Variants in COL6A2 observed in about 807,000 individuals in gnomAD.
COL6A2 encodes collagen alpha-2(VI) chain.
A neutral mutation model predicts 124.9 loss-of-function variants in COL6A2; 90 were observed. That is an observed-to-expected ratio of 0.72 (90% CI 0.61 to 0.86). COL6A2 has a LOEUF of 0.86. Among genes scored for constraint, COL6A2 ranks in the 40% least tolerant of loss-of-function variants. The pLI is 0.00. For synonymous variants in COL6A2, 793 were observed against 618.2 expected (o/e 1.28, Z -4.19); for missense variants, 1,607 against 1,502.5 (o/e 1.07, Z -1.15).
intron 27 of COL6A2, chr21:46,129,198 G>A (rs376266362): frequency 1.1e-5 from 18 of 1,612,890 alleles, no homozygotes; most frequent in East Asian, 6.7e-5. Context: ...CCTTGCAGAT[G>A]CACCGTGGCC....
intron 27 of COL6A2, among the ~76,000 whole-genome samples, chr21:46,130,504 C>G (rs934586777): frequency 2.0e-5 from 3 of 152,276 alleles, no homozygotes; most frequent in African/African-American, 7.2e-5. Context: ...CAGGGCAGGC[C>G]AGGCTGGTCT....
Position 46,102,033 on chromosome 21 carries a change from A to G in COL6A2, c.-28+3860A>G, listed in dbSNP as rs960791612. Among the ~76,000 whole-genome samples the G allele has an allele frequency of 5.1e-4, 77 of 151,840 alleles. 1 individual carries two copies. The highest frequency in any genetic ancestry group is 1.8e-3 in the African/African-American group (75 of 41,452). On this transcript the variant is annotated intron_variant, in intron 1 of 27. Transcript: ENST00000300527. Reference sequence around the variant, plus strand: ...CTTAATATAGTAAGTCTTCCAATCTATGAACATGAATGTCTTTTTTTAAAT... The same window carrying G: ...CTTAATATAGTAAGTCTTCCAATCTGTGAACATGAATGTCTTTTTTTAAAT...
chr21:46,112,266 G>T lies in COL6A2; in HGVS notation c.403G>T (p.Asp135Tyr). 1 of 1,612,728 alleles carries T rather than the reference G, an allele frequency of 6.2e-7. No individual in the cohort carries two copies. The highest frequency in any genetic ancestry group is 8.5e-7 in the Non-Finnish European group (1 of 1,179,982). Reference protein sequence around the residue: ...ISSFRRGTFTDCALANMTEQI... With the variant: ...ISSFRRGTFTYCALANMTEQI... ...CTCCTTCCGCCGCGGCACCTTCACC[G>T]ACTGCGCGCTGGCCAACATGACGGA... The change falls in exon 3 of 28, where the codon GAC becomes TAC. Residue 135 changes from aspartate (D) to tyrosine (Y), a missense_variant. Physicochemically the swap from Asp to Tyr is radical, Grantham distance 160. This residue lies in a region of COL6A2 where 342 missense variants were observed against 381.5 expected (regional missense o/e 0.90). Coordinates refer to ENST00000300527, the MANE Select transcript of COL6A2 (RefSeq NM_001849.4).
intron 27 of COL6A2, chr21:46,128,848 C>G (rs139651715): frequency 6.8e-7 from 1 of 1,476,404 alleles, no homozygotes; most frequent in Non-Finnish European, 9.5e-7. Context: ...GTCTTCCTGG[C>G]GACGGGCCTG....
chr21:46,132,709 G>GT lies in COL6A2; in HGVS notation c.*157_*158insT. The GT allele has an allele frequency of 1.3e-6, 1 of 750,330 alleles. No individual in the cohort carries two copies. The highest frequency in any genetic ancestry group is 2.7e-5 in the East Asian group (1 of 36,778). The allele number at this position is 750,330 out of a possible 1,614,324, so 46.5% of individuals were successfully genotyped here. A position where few individuals can be genotyped will look rare whatever the true frequency, so the allele number is the denominator to read the frequency against. ...CTCCCACGGGGTCCCCGTAGCCCCG[G>GT]CCCCCGCCCAGCCCCAGGTCTCCCC... On this transcript the variant is annotated 3_prime_UTR_variant, in exon 28 of 28. Transcript: ENST00000300527.
Position 46,119,021 on chromosome 21 carries a change from C to A in COL6A2, c.1180-9C>A. On this transcript the variant is annotated splice_polypyrimidine_tract_variant and intron_variant, in intron 13 of 27. Transcript: ENST00000300527. The stretch of plus-strand genomic sequence containing the variant: ...CTCTGGGTGACTGTGCTGTCCTCTC[C>A]TTCTTCAGGGGTATCAAGGCAACAG... The A allele has an allele frequency of 6.2e-7, 1 of 1,604,736 alleles. No individual in the cohort carries two copies. The highest frequency in any genetic ancestry group is 8.5e-7 in the Non-Finnish European group (1 of 1,172,646).
intron 26 of COL6A2, 68 bp downstream of exon 26, chr21:46,126,305 C>G: frequency 6.4e-7 from 1 of 1,560,398 alleles, no homozygotes; most frequent in Non-Finnish European, 8.7e-7. Flanking sequence ...AGCGTGAGCC[C>G]CAGGGACACC....
At chr21:46,130,067 G>C (rs776266225) in intron 27 of COL6A2, among the ~76,000 whole-genome samples, 1 of 152,172 alleles carries the variant, frequency 6.6e-6, no homozygotes, top group Non-Finnish European at 1.5e-5. Context: ...GGGCGCTCAC[G>C]GCCCACCTGG....
chr21:46,112,885 C>T lies in COL6A2; in HGVS notation c.735+61C>T, dbSNP rs181739085. The T allele has an allele frequency of 1.1e-3, 1,793 of 1,608,482 alleles. 4 individuals are homozygous for T. Among genetic ancestry groups the T allele is most frequent in the Non-Finnish European group, 1.4e-3 (1,594 of 1,176,940 alleles). On this transcript the variant is annotated intron_variant, in intron 4 of 27. Coordinates refer to ENST00000300527, the MANE Select transcript of COL6A2 (RefSeq NM_001849.4). Reference sequence around the variant, plus strand: ...GCAGCTGACCCAGCAGAGATGACCGCGCCAGGCTGCCGACTCCTGGCGCCT... The same window carrying T: ...GCAGCTGACCCAGCAGAGATGACCGTGCCAGGCTGCCGACTCCTGGCGCCT...
chr21:46,114,933 G>A (rs761714112), intron 5 of COL6A2, among the ~76,000 whole-genome samples: 6 of 152,252 alleles, frequency 3.9e-5, no homozygotes, highest in Admixed American at 6.5e-5. Context: ...TTACTGCTAC[G>A]TAGCTTCGTG....
chr21:46,116,189 C>T lies in COL6A2; in HGVS notation c.900+136C>T. ...CCAAGGAACAGAAGCACCTCGATAA[C>T]TTGATGGCCGTCCCAAAACCCAGCC... On this transcript the variant is annotated intron_variant, in intron 7 of 27. Coordinates refer to ENST00000300527, the MANE Select transcript of COL6A2 (RefSeq NM_001849.4). The surrounding 1 kb of genome is among the most constrained non-coding windows in gnomAD (Gnocchi z 4.6). The T allele has an allele frequency of 3.4e-6, 4 of 1,165,188 alleles. No individual in the cohort carries two copies. Among genetic ancestry groups the T allele is most frequent in the Non-Finnish European group, 5.0e-6 (4 of 798,884 alleles). 72.2% of individuals were successfully genotyped at this position (1,165,188 alleles called of 1,614,324 possible).
rs959126679 is a variant in COL6A2 at position 46,124,701 on chromosome 21, C to A, written c.1722C>A (p.Val574=). 1.9e-6 allele frequency: 3 copies of A among 1,612,836 alleles called. No homozygotes were observed. Among genetic ancestry groups the A allele is most frequent in the Admixed American group, 1.7e-5 (1 of 60,004 alleles). Residue 574 remains valine (V), a synonymous_variant, in exon 22 of 28, where the codon GTC becomes GTA. Coordinates refer to ENST00000300527, the MANE Select transcript of COL6A2 (RefSeq NM_001849.4). ...GEPGPRGPRG[V]PGPEGEPGPP... ...CAGGCCCTCGGGGGCCAAGAGGAGT[C>A]CCAGGACCCGAGGTAGGTTGGTGGC...
At chr21:46,129,801 C>T (rs73382475) in intron 27 of COL6A2, 111,776 of 1,199,282 alleles carry the variant, frequency 0.093, 6,142 homozygotes, top group African/African-American at 0.23. Context: ...CCTTAACTCA[C>T]TCCCGTCTGC....
rs772266026 is a variant in COL6A2, at chr21:46,132,174, G to A, written c.2682G>A (p.Leu894=). 1.9e-6 allele frequency: 3 copies of A among 1,572,374 alleles called. No homozygotes were observed. The highest frequency in any genetic ancestry group is 2.7e-5 in the African/African-American group (2 of 73,896). The change falls in exon 28 of 28, where the codon CTG becomes CTA. Residue 894 remains leucine (L), a synonymous_variant. Coordinates refer to ENST00000300527, the MANE Select transcript of COL6A2 (RefSeq NM_001849.4). Reference sequence around the variant, plus strand: ...GCGAGCAGCAGGTGGCCTTCCCGCTGAGCCACAACCTCACGGCCATCCACG... The same window carrying A: ...GCGAGCAGCAGGTGGCCTTCCCGCTAAGCCACAACCTCACGGCCATCCACG... ...GPGEQQVAFP[L]SHNLTAIHEA...
intron 21 of COL6A2, 71 bp downstream of exon 21, chr21:46,123,008 G>A (rs2078591287): frequency 7.1e-7 from 1 of 1,410,896 alleles, no homozygotes; most frequent in South Asian, 1.1e-5. Context: ...CTGAGCGTGT[G>A]CATCTATGAG....
Position 46,132,313 on chromosome 21 carries a change from G to C in COL6A2, c.2821G>C (p.Glu941Gln), listed in dbSNP as rs2078772046. The change falls in exon 28 of 28, where the codon GAG (glutamate) becomes CAG (glutamine). Residue 941 changes from glutamate to glutamine, a missense_variant. By Grantham distance (29) the Glu-to-Gln change is conservative (BLOSUM62 2). This residue lies in a region of COL6A2 where 1,223 missense variants were observed against 1,052.2 expected (regional missense o/e 1.16). Coordinates refer to ENST00000300527, the MANE Select transcript of COL6A2 (RefSeq NM_001849.4). ...GCGTGGCGGGGCCCGGAGGCACGCA[G>C]AGCTGTCCTTCGTGTTCCTCACGGA... is the stretch of plus-strand genomic sequence containing the variant. ...SPRGGARRHA[E>Q]LSFVFLTDGV... The C allele has an allele frequency of 1.2e-6, 2 of 1,606,966 alleles. No individual in the cohort carries two copies. Among genetic ancestry groups the C allele is most frequent in the South Asian group, 1.1e-5 (1 of 91,008 alleles).
intron 27 of COL6A2, chr21:46,129,201 C>T (rs78231002): frequency 1.1e-5 from 17 of 1,612,784 alleles, no homozygotes; most frequent in East Asian, 6.7e-5. Flanking sequence ...TGCAGATGCA[C>T]CGTGGCCTGG....
rs147456161 is a variant in COL6A2, at chr21:46,129,467, C to A, written c.2462-2487C>A. The A allele has an allele frequency of 4.0e-5, 64 of 1,596,110 alleles. No individual in the cohort carries two copies. The African/African-American group carries it at 4.7e-4, about 12-fold the overall frequency. The stretch of plus-strand genomic sequence containing the variant: ...TGCACAGGGACATCGTGGGGGACCC[C>A]GAGACCGCGCTGGCCCTCTGCTAAA... On this transcript the variant is annotated intron_variant, in intron 27 of 27. Coordinates refer to ENST00000300527, the MANE Select transcript of COL6A2 (RefSeq NM_001849.4).
chr21:46,111,955 C>T (rs369332066), intron 2 of COL6A2, 24 bp from the exon 3 acceptor site: 28 of 1,605,240 alleles, frequency 1.7e-5, no homozygotes, highest in African/African-American at 5.3e-5. Flanking sequence ...GAGGCTGGCT[C>T]GTGACAGGTC....
Sources: allele counts gnomAD v4.1 joint callset (sites outside exome capture counted in the v4.1 genomes callset), GRCh38; gene constraint gnomAD v4.1.1; regional missense constraint gnomAD v4.1.1; non-coding constraint Gnocchi (gnomAD v3.1); transcripts MANE v1.5; gene names NCBI Gene and HGNC (gene_info 2026-07-23, HGNC 2026-07-21).